The following HECW2 variants were observed in gnomAD, a reference collection of about 807,000 sequenced individuals.
HECW2 encodes the protein HECT, C2 and WW domain containing E3 ubiquitin protein ligase 2.
Under a neutral mutation model 175.2 loss-of-function variants are expected in HECW2, and 61 were observed. The ratio of observed to expected loss-of-function variants is 0.35; its 90% confidence interval spans 0.28 to 0.43. HECW2 has a LOEUF of 0.43. HECW2 is among the 20% of genes least tolerant of loss of function. The pLI is 1.00. For missense variants in HECW2, 1,524 were observed against 2,000.5 expected (o/e 0.76, Z 4.54); for synonymous variants, 671 against 731.0 (o/e 0.92, Z 1.32).
intron 3 of HECW2, among the ~76,000 whole-genome samples, chr2:196,337,937 T>A (rs536604234): frequency 1.3e-5 from 2 of 152,354 alleles, no homozygotes; most frequent in African/African-American, 4.8e-5. Context: ...CAGGATACAT[T>A]TGCTTATAGC....
chr2:196,358,353 CACTTGAGT>C (rs113430930), intron 2 of HECW2, among the ~76,000 whole-genome samples: 40,329 of 151,260 alleles, frequency 0.27, 7,056 homozygotes, highest in African/African-American at 0.5. Flanking sequence ...GCAGGTGGAT[CACTTGAGT>C]ACTTGAGTTC....
chr2:196,362,145 A>G (rs1468140679), intron 2 of HECW2: 12 of 985,410 alleles, frequency 1.2e-5, no homozygotes, highest in Non-Finnish European at 1.4e-5. Flanking sequence ...CCTGCCTTTC[A>G]TCAAGACTTA....
intron 26 of HECW2, chr2:196,217,336 C>A: frequency 2.5e-6 from 1 of 402,308 alleles, no homozygotes; most frequent in South Asian, 5.1e-5. Context: ...CTAAGTGAAA[C>A]TAGTAAAGAG....
intron 19 of HECW2, among the ~76,000 whole-genome samples, chr2:196,250,055 T>C (rs1446656353): frequency 6.6e-6 from 1 of 152,238 alleles, no homozygotes; most frequent in African/African-American, 2.4e-5. Flanking sequence ...GTGTGCAGTC[T>C]TCAAGTGCAT....
At chr2:196,578,950 T>C (rs1690662497) in intron 1 of HECW2, among the ~76,000 whole-genome samples, 2 of 128,866 alleles carry the variant, frequency 1.6e-5, no homozygotes, top group African/African-American at 6.5e-5. Flanking sequence ...AAGATAAATA[T>C]ATTTATATTT....
At chr2:196,261,822 T>C (rs1689305382) in intron 17 of HECW2, among the ~76,000 whole-genome samples, 1 of 152,260 alleles carries the variant, frequency 6.6e-6, no homozygotes, top group African/African-American at 2.4e-5. Flanking sequence ...AAAATAAAAG[T>C]GACTAACGTC....
At chr2:196,499,327 A>T (rs1255768434) in intron 1 of HECW2, among the ~76,000 whole-genome samples, 5 of 152,088 alleles carry the variant, frequency 3.3e-5, no homozygotes, top group Non-Finnish European at 7.4e-5. Flanking sequence ...AAAAAAGCTT[A>T]AATACATTCT....
chr2:196,341,209 T>C (rs1467125382), intron 3 of HECW2, among the ~76,000 whole-genome samples: 1 of 151,338 alleles, frequency 6.6e-6, no homozygotes, highest in African/African-American at 2.5e-5. Context: ...TGGGTTCACA[T>C]GAGCCTTGTA....
At chr2:196,293,734 G>T (rs1690693579) in intron 13 of HECW2, among the ~76,000 whole-genome samples, 1 of 152,172 alleles carries the variant, frequency 6.6e-6, no homozygotes, top group African/African-American at 2.4e-5. Flanking sequence ...CTTACAGAGA[G>T]CCCTGACATA....
Position 196,284,701 on chromosome 2 carries a change from A to G in HECW2, c.3001-6039T>C, listed in dbSNP as rs182870331. On this transcript the variant is annotated intron_variant, in intron 14 of 28. Transcript: ENST00000644978. ...AAAATGGATCACTTTCCCACAGGAA[A>G]TGCTACCTAGTTCAAGCCAGCAATG... is the stretch of plus-strand genomic sequence containing the variant. Among the ~76,000 whole-genome samples, 15 of 152,336 alleles carry G rather than the reference A, an allele frequency of 9.8e-5. No individual in the cohort carries two copies. In the South Asian group the frequency reaches 1.4e-3, roughly 15 times the overall value.
At chr2:196,545,677 C>A (rs978087683) in intron 1 of HECW2, among the ~76,000 whole-genome samples, 1 of 152,176 alleles carries the variant, frequency 6.6e-6, no homozygotes, top group Non-Finnish European at 1.5e-5. Context: ...ACATTCAATC[C>A]GTTCTGGCAG....
intron 2 of HECW2, among the ~76,000 whole-genome samples, chr2:196,392,909 A>G (rs1230753999): frequency 2.0e-5 from 3 of 152,222 alleles, no homozygotes; most frequent in Non-Finnish European, 4.4e-5. Context: ...AAACTACACT[A>G]CAAGGCTACA....
chr2:196,262,496 A>C (rs942388315), intron 17 of HECW2, among the ~76,000 whole-genome samples: 1 of 151,924 alleles, frequency 6.6e-6, no homozygotes, highest in Non-Finnish European at 1.5e-5. Context: ...ACACCTTCTG[A>C]TTTGGCTAGT....
chr2:196,250,444 C>T (rs1283088883), intron 19 of HECW2, among the ~76,000 whole-genome samples: 1 of 152,140 alleles, frequency 6.6e-6, no homozygotes, highest in Admixed American at 6.5e-5. Context: ...AAGCACCAAG[C>T]AAAGTGTTCT....
chr2:196,549,473 A>C (rs1388579240), intron 1 of HECW2, among the ~76,000 whole-genome samples: 2 of 152,204 alleles, frequency 1.3e-5, no homozygotes, highest in Non-Finnish European at 2.9e-5. Context: ...TTTTTTACTC[A>C]AGATATTTGT....
intron 1 of HECW2, among the ~76,000 whole-genome samples, chr2:196,532,405 A>T (rs183703192): frequency 1.5e-4 from 23 of 152,052 alleles, no homozygotes; most frequent in Admixed American, 2.0e-4. Context: ...ACATATTCTC[A>T]CTCATAAGTG....
intron 1 of HECW2, among the ~76,000 whole-genome samples, chr2:196,449,077 G>A (rs542781643): frequency 1.4e-4 from 21 of 152,306 alleles, no homozygotes; most frequent in African/African-American, 4.6e-4. Context: ...ACCTGGTTAT[G>A]TGTTAAAAAG....
chr2:196,220,716 A>G lies in HECW2; in HGVS notation c.4293+79T>C, dbSNP rs995075652. On this transcript the variant is annotated intron_variant, in intron 25 of 28. Coordinates refer to ENST00000644978, the MANE Select transcript of HECW2 (RefSeq NM_001348768.2). ...AGTAAATACAGCAGAAATAGTCTACACATGTAAAGTACAATAAGATGGACT... is the reference window on the plus strand; with the variant it reads ...AGTAAATACAGCAGAAATAGTCTACGCATGTAAAGTACAATAAGATGGACT... 41 of 1,416,744 alleles carry G rather than the reference A, an allele frequency of 2.9e-5. No individual in the cohort carries two copies. In the African/African-American group the frequency reaches 5.2e-4, roughly 18 times the overall value. The allele number at this position is 1,416,744 out of a possible 1,614,324, so 87.8% of individuals were successfully genotyped here.
intron 1 of HECW2, among the ~76,000 whole-genome samples, chr2:196,499,885 A>G (rs1286644431): frequency 6.6e-6 from 1 of 152,170 alleles, no homozygotes; most frequent in Non-Finnish European, 1.5e-5. Flanking sequence ...GTTCTGAATC[A>G]TTCTGAGTTA....
Sources: gnomAD v4.1 joint callset for allele counts (sites outside exome capture counted in the v4.1 genomes callset) on GRCh38, gnomAD v4.1.1 for gene constraint, MANE v1.5 for transcripts, NCBI Gene and HGNC (gene_info 2026-07-23, HGNC 2026-07-21) for gene names.